Variants in NAF1 observed in about 807,000 individuals in gnomAD.
NAF1 encodes H/ACA ribonucleoprotein complex non-core subunit NAF1.
In NAF1, 11 loss-of-function variants were observed where a neutral mutation model predicts 40.6. The observed-to-expected ratio is 0.27, with a 90% CI of 0.17 to 0.45. NAF1 has a LOEUF of 0.45. Among genes scored for constraint, NAF1 ranks in the 20% least tolerant of loss-of-function variants. The pLI is 1.00. For missense variants in NAF1, 607 were observed against 611.1 expected, an observed-to-expected ratio of 0.99 and a Z score of 0.07; for synonymous variants, 260 against 228.5, an observed-to-expected ratio of 1.14 and a Z score of -1.24.
At chr4:163,158,364 TG>T (rs1486310444) in intron 2 of NAF1, 3 of 152,106 alleles carry the variant, frequency 2.0e-5, no homozygotes, top group Non-Finnish European at 4.4e-5. Flanking sequence ...GGATTAGGTC[TG>T]TACACTTTGT....
At chr4:163,125,435 A>C (rs1208143058), downstream of NAF1, among the ~76,000 whole-genome samples, 2 of 152,254 alleles carry the variant, frequency 1.3e-5, no homozygotes, top group African/African-American at 4.8e-5. Flanking sequence ...TTTACAGCAG[A>C]TATGGAGTAA....
chr4:163,162,293 C>A (rs1732260299), intron 2 of NAF1, among the ~76,000 whole-genome samples: 1 of 152,176 alleles, frequency 6.6e-6, no homozygotes, highest in Non-Finnish European at 1.5e-5. Context: ...ATTTGAAACC[C>A]CGAAGAAGTC....
rs572689691 is a variant in NAF1 at position 163,166,383 on chromosome 4, G to A, written c.345C>T (p.Asp115=). ...CCGACCTGTCCGAGTCCGAATCCGA[G>A]TCCGAGGTCTCCAAGGAGTCCGGCG... ...ARAPDSLETS[D]SDSDSDSETD... Residue 115 remains aspartate, a synonymous_variant, in exon 1 of 8, where the codon GAC becomes GAT. Transcript: ENST00000274054. 3 of 1,605,712 alleles carry A rather than the reference G, an allele frequency of 1.9e-6. No homozygotes were observed. The highest frequency in any genetic ancestry group is 4.5e-5 in the East Asian group (2 of 44,666).
chr4:163,164,284 T>C lies in NAF1; in HGVS notation c.473A>G (p.Asp158Gly), dbSNP rs751282954. 9 of 1,590,842 alleles carry C rather than the reference T, an allele frequency of 5.7e-6. No homozygotes were observed. Among genetic ancestry groups the C allele is most frequent in the Non-Finnish European group, 4.3e-6 (5 of 1,172,314 alleles). ...ATTTTCCTTCTCAATTTGTAAATCATCATCTCCATCTGACAGCACTGGAGG... is the reference window on the plus strand; with the variant it reads ...ATTTTCCTTCTCAATTTGTAAATCACCATCTCCATCTGACAGCACTGGAGG... The part of the protein sequence containing the change: ...SLPPVLSDGD[D>G]DLQIEKENKN... Residue 158 changes from aspartate (D) to glycine (G), a missense_variant, in exon 2 of 8, where the codon GAT becomes GGT. Asp to Gly is a moderately conservative substitution (Grantham distance 94). Around this residue, in one of 3 missense-constraint regions of NAF1, gnomAD observed 407 missense variants for 365.5 expected, o/e 1.11. Coordinates refer to ENST00000274054, the MANE Select transcript of NAF1 (RefSeq NM_138386.3).
downstream of NAF1, among the ~76,000 whole-genome samples, chr4:163,123,982 C>G (rs1432463495): frequency 6.6e-6 from 1 of 150,666 alleles, no homozygotes; most frequent in Non-Finnish European, 1.5e-5. Flanking sequence ...ATTTCTCTCT[C>G]CCCAATAAGA....
intron 6 of NAF1, among the ~76,000 whole-genome samples, chr4:163,136,818 C>T (rs1352849801): frequency 1.3e-5 from 2 of 152,100 alleles, no homozygotes; most frequent in East Asian, 1.9e-4. Flanking sequence ...CTATTAAAAG[C>T]ACCATGTCTT....
intron 2 of NAF1, among the ~76,000 whole-genome samples, chr4:163,116,422 T>C (rs573124836): frequency 4.9e-4 from 74 of 152,262 alleles, no homozygotes; most frequent in African/African-American, 1.7e-3. Context: ...GAGAGAGATC[T>C]GTATTAAGGC....
intron 1 of NAF1, 57 bp downstream of exon 1, chr4:163,166,306 C>T: frequency 6.6e-7 from 1 of 1,513,390 alleles, no homozygotes; most frequent in Non-Finnish European, 8.8e-7. Flanking sequence ...GCCCCAGCCA[C>T]CCCCGCCCGT....
intron 2 of NAF1, among the ~76,000 whole-genome samples, chr4:163,153,797 G>A (rs1006634765): frequency 3.3e-5 from 5 of 152,160 alleles, no homozygotes; most frequent in African/African-American, 1.2e-4. Flanking sequence ...GCCCCAGCCA[G>A]CATTGGCAAC....
chr4:163,140,235 T>G lies in NAF1; in HGVS notation c.866A>C (p.Glu289Ala). 6.3e-7 allele frequency: 1 copy of G among 1,591,392 alleles called. No homozygotes were observed. The highest frequency in any genetic ancestry group is 1.2e-5 in the South Asian group (1 of 85,790). The change falls in exon 5 of 8, where the codon GAA (glutamate) becomes GCA (alanine). Residue 289 changes from glutamate to alanine, a missense_variant. This residue lies in a region of NAF1 where 407 missense variants were observed against 365.5 expected (regional missense o/e 1.11). Transcript: ENST00000274054. ...GTAAAGTACTTACTGTTTTAGTTTT[T>G]CTGTGAATATATATTGAGTGAAATC... ...MKDFTQYIFTEKLKQDKGSDA... is the reference protein window; with the variant it reads ...MKDFTQYIFTAKLKQDKGSDA...
intron 2 of NAF1, among the ~76,000 whole-genome samples, chr4:163,152,539 A>T (rs999926268): frequency 6.6e-6 from 1 of 152,236 alleles, no homozygotes; most frequent in Non-Finnish European, 1.5e-5. Context: ...GGAAGAATGA[A>T]AAGTTTTGCC....
chr4:163,166,233 G>T, intron 1 of NAF1, 130 bp downstream of exon 1: 3 of 1,178,990 alleles, frequency 2.5e-6, no homozygotes, highest in Non-Finnish European at 2.3e-6. Context: ...CAACACGTGA[G>T]CCCGGAGCAC....
At chr4:163,162,307 A>G (rs1034256241) in intron 2 of NAF1, among the ~76,000 whole-genome samples, 3 of 152,360 alleles carry the variant, frequency 2.0e-5, no homozygotes, top group East Asian at 1.9e-4. Flanking sequence ...AGAAGTCCTT[A>G]TATCTTCTTT....
Position 163,166,772 on chromosome 4 carries a change from G to T in NAF1, c.-45C>A. The T allele has an allele frequency of 6.2e-7, 1 of 1,608,686 alleles. No individual in the cohort carries two copies. The highest frequency in any genetic ancestry group is 8.5e-7 in the Non-Finnish European group (1 of 1,178,104). On this transcript the variant is annotated 5_prime_UTR_variant, in exon 1 of 8. Transcript: ENST00000274054. ...GGTCGGCCTCAGGATTGGGGCCCCT[G>T]GACAAGCTCACGGCTCTCTCCAGAA...
chr4:163,164,427 T>G (rs1472601245), intron 1 of NAF1, 36 bp from the exon 2 acceptor site: 1 of 1,383,180 alleles, frequency 7.2e-7, no homozygotes, highest in Non-Finnish European at 9.7e-7. Flanking sequence ...AATAGTCCAG[T>G]ATTATTATAC....
At chr4:163,106,673 ATAATT>A (rs1461344592), downstream of NAF1, among the ~76,000 whole-genome samples, 1 of 152,200 alleles carries the variant, frequency 6.6e-6, no homozygotes, top group Non-Finnish European at 1.5e-5. Flanking sequence ...TAAAAATGGA[ATAATT>A]TATTTTAATT....
At chr4:163,160,057 G>T (rs1406257245) in intron 2 of NAF1, among the ~76,000 whole-genome samples, 1 of 152,084 alleles carries the variant, frequency 6.6e-6, no homozygotes, top group Non-Finnish European at 1.5e-5. Flanking sequence ...TGATAAAATT[G>T]TTTAAAAAGA....
downstream of NAF1, among the ~76,000 whole-genome samples, chr4:163,124,399 T>G (rs983031122): frequency 6.6e-6 from 1 of 151,150 alleles, no homozygotes; most frequent in Non-Finnish European, 1.5e-5. Context: ...CCAGCCCCTT[T>G]TATAAGGCAC....
intron 1 of NAF1, 57 bp downstream of exon 1, chr4:163,166,305 AC>A (rs2111079228): frequency 6.6e-7 from 1 of 1,509,236 alleles, no homozygotes; most frequent in South Asian, 1.3e-5. Flanking sequence ...GGCCCCAGCC[AC>A]CCCCGCCCGT....
Sources: allele counts gnomAD v4.1 joint callset (sites outside exome capture counted in the v4.1 genomes callset), GRCh38; gene constraint gnomAD v4.1.1; regional missense constraint gnomAD v4.1.1; transcripts MANE v1.5; gene names NCBI Gene and HGNC (gene_info 2026-07-23, HGNC 2026-07-21).